The following TTC27 variants were observed in gnomAD, a reference collection of about 807,000 sequenced individuals.
TTC27 encodes the protein tetratricopeptide repeat domain 27.
A neutral mutation model predicts 115.9 loss-of-function variants in TTC27; 79 were observed. The observed-to-expected ratio is 0.68, with a 90% CI of 0.57 to 0.82. The LOEUF (loss-of-function observed/expected upper bound fraction) is 0.82, where lower values mean the gene tolerates loss of function less well. Among genes scored for constraint, TTC27 ranks in the 40% least tolerant of loss-of-function variants. The pLI is 0.00. For missense variants in TTC27, 1,054 were observed against 993.1 expected (o/e 1.06, Z -0.82); for synonymous variants, 401 against 356.0 (o/e 1.13, Z -1.42).
At chr2:32,811,242 G>C (rs1018199714) in intron 17 of TTC27, 21 bp downstream of exon 17, 8 of 1,604,706 alleles carry the variant, frequency 5.0e-6, no homozygotes, top group South Asian at 1.1e-5. Context: ...CATTCCTCCT[G>C]AGTCCTTGCC....
chr2:32,766,252 C>G (rs1669622125), intron 13 of TTC27, among the ~76,000 whole-genome samples: 2 of 152,234 alleles, frequency 1.3e-5, no homozygotes, highest in South Asian at 4.1e-4. Context: ...ATGATCAAAT[C>G]AGGGTATTTA....
chr2:32,734,862 A>G (rs1227383746), intron 11 of TTC27, among the ~76,000 whole-genome samples: 1 of 152,226 alleles, frequency 6.6e-6, no homozygotes, highest in Non-Finnish European at 1.5e-5. Flanking sequence ...TATGATGCAT[A>G]TATTTTATTC....
chr2:32,760,604 T>C (rs1669402419), intron 13 of TTC27, among the ~76,000 whole-genome samples: 1 of 152,104 alleles, frequency 6.6e-6, no homozygotes, highest in South Asian at 2.1e-4. Flanking sequence ...GGGTTGGTTT[T>C]TGGTTTTTGA....
chr2:32,730,176 T>C (rs1372644309), intron 10 of TTC27, among the ~76,000 whole-genome samples: 1 of 152,232 alleles, frequency 6.6e-6, no homozygotes, highest in Admixed American at 6.5e-5. Context: ...CTAATGAATG[T>C]ACCTAATACT....
At chr2:32,785,231 A>G (rs2148019976) in intron 15 of TTC27, among the ~76,000 whole-genome samples, 1 of 152,302 alleles carries the variant, frequency 6.6e-6, no homozygotes, top group South Asian at 2.1e-4. Flanking sequence ...GATTTTAGGA[A>G]TATCTTTCCT....
intron 12 of TTC27, among the ~76,000 whole-genome samples, chr2:32,750,881 C>T (rs1451336126): frequency 4.6e-5 from 7 of 152,122 alleles, no homozygotes; most frequent in Admixed American, 3.3e-4. Context: ...TTGACATTGG[C>T]ACAGAAGTTT....
chr2:32,632,222 G>T (rs1332466680), intron 2 of TTC27, among the ~76,000 whole-genome samples: 2 of 148,932 alleles, frequency 1.3e-5, no homozygotes, highest in Non-Finnish European at 3.0e-5. Context: ...TGTTGCTCAG[G>T]CTGGTCTCGA....
Position 32,664,342 on chromosome 2 carries a change from G to A in TTC27, c.680G>A (p.Arg227Gln), listed in dbSNP as rs115494152. ...AATCTGTTTGTAGATGATTCAGGTC[G>A]ATATTTGGCTATTCAATTCCATCTG... ...LQNLFVDDSG[R>Q]YLAIQFHLEC... Residue 227 changes from arginine (R) to glutamine (Q), a missense_variant, in exon 6 of 20, where the codon CGA becomes CAA. Arg to Gln is a conservative substitution (Grantham distance 43). Coordinates refer to ENST00000317907, the MANE Select transcript of TTC27 (RefSeq NM_017735.5). The A allele has an allele frequency of 1.0e-3, 1,603 of 1,609,302 alleles. 19 individuals carry two copies. In the African/African-American group the frequency reaches 0.019, roughly 19 times the overall value.
rs1030263987 is a variant in TTC27, at chr2:32,701,964, T to C, written c.1120-843T>C. ...AAGCCGAAGCTGTAGCTTGCCATGA[T>C]CATGCCACTGCACTCCAGCCTCAGT... On this transcript the variant is annotated intron_variant, in intron 9 of 19. Coordinates refer to ENST00000317907, the MANE Select transcript of TTC27 (RefSeq NM_017735.5). Among the ~76,000 whole-genome samples the C allele has an allele frequency of 1.2e-4, 18 of 149,446 alleles. No homozygotes were observed. The East Asian group carries it at 3.5e-3, about 29-fold the overall frequency.
chr2:32,730,547 TA>T (rs34242666), intron 10 of TTC27, among the ~76,000 whole-genome samples: 79,177 of 148,270 alleles, frequency 0.53, 21,117 homozygotes, highest in East Asian at 0.65. Context: ...ATTAGCAAAT[TA>T]AAAAAAAAAA....
chr2:32,752,238 G>C (rs1287715060), intron 12 of TTC27, among the ~76,000 whole-genome samples: 2 of 152,146 alleles, frequency 1.3e-5, no homozygotes, highest in South Asian at 2.1e-4. Flanking sequence ...CAAAAATGCT[G>C]GTTCTCCCAT....
At chr2:32,817,137 C>G (rs1263494792) in intron 18 of TTC27, among the ~76,000 whole-genome samples, 1 of 151,780 alleles carries the variant, frequency 6.6e-6, no homozygotes, top group African/African-American at 2.4e-5. Context: ...TGGCTGACAC[C>G]TGTAATCTCA....
chr2:32,637,386 C>T (rs1664468910), intron 3 of TTC27, among the ~76,000 whole-genome samples: 1 of 151,916 alleles, frequency 6.6e-6, no homozygotes, highest in African/African-American at 2.4e-5. Context: ...GGCTGGAGTG[C>T]AGTGGCGCAA....
chr2:32,645,157 T>C (rs980164612), intron 4 of TTC27, among the ~76,000 whole-genome samples: 8 of 152,230 alleles, frequency 5.3e-5, no homozygotes, highest in African/African-American at 1.9e-4. Flanking sequence ...TATGATGATA[T>C]TATTTTTGTG....
intron 16 of TTC27, among the ~76,000 whole-genome samples, chr2:32,804,906 T>TA (rs201916441): frequency 5.9e-5 from 9 of 151,636 alleles, no homozygotes; most frequent in Middle Eastern, 3.4e-3. Context: ...ATTCTAATTT[T>TA]AAAAAAAAAT....
chr2:32,736,297 A>C (rs1406988617), intron 11 of TTC27, among the ~76,000 whole-genome samples: 2 of 152,188 alleles, frequency 1.3e-5, no homozygotes, highest in African/African-American at 2.4e-5. Flanking sequence ...GGGCTAATGC[A>C]TAGATTTTAT....
chr2:32,645,623 T>C (rs751683418), intron 4 of TTC27, among the ~76,000 whole-genome samples: 8 of 152,200 alleles, frequency 5.3e-5, no homozygotes, highest in Non-Finnish European at 1.2e-4. Flanking sequence ...TATGTATACA[T>C]GTGCCATGTT....
At chr2:32,675,195 A>G (rs1392151220) in intron 8 of TTC27, among the ~76,000 whole-genome samples, 1 of 152,234 alleles carries the variant, frequency 6.6e-6, no homozygotes, top group Non-Finnish European at 1.5e-5. Flanking sequence ...TGACTTCTTC[A>G]GAATTACAGA....
At chr2:32,652,979 G>T (rs1412999655) in intron 5 of TTC27, among the ~76,000 whole-genome samples, 3 of 152,072 alleles carry the variant, frequency 2.0e-5, no homozygotes, top group African/African-American at 7.2e-5. Context: ...ACATAACTTT[G>T]CTGGGCTGAT....
Sources: gnomAD v4.1 joint callset for allele counts (sites outside exome capture counted in the v4.1 genomes callset) on GRCh38, gnomAD v4.1.1 for gene constraint, MANE v1.5 for transcripts, NCBI Gene and HGNC (gene_info 2026-07-23, HGNC 2026-07-21) for gene names.